The following CYBA variants were observed in gnomAD, a reference collection of about 807,000 sequenced individuals.
CYBA encodes the protein cytochrome b-245 alpha chain.
CYBA carries 21 observed loss-of-function variants against 20.8 expected under a neutral mutation model. That is an observed-to-expected ratio of 1.01 (90% CI 0.72 to 1.46). CYBA has a LOEUF of 1.46. Among genes scored for constraint, CYBA ranks in the 40% most tolerant of loss-of-function variants. The pLI, the probability that CYBA is intolerant of heterozygous loss-of-function variation, is 0.00. For missense variants in CYBA, 344 were observed against 287.0 expected (o/e 1.20, Z -1.43); for synonymous variants, 164 against 127.5 (o/e 1.29, Z -1.93).
rs768595936 is a variant in CYBA at position 88,648,052 on chromosome 16, A to G, written c.121T>C (p.Tyr41His). ...GRFTQWYFGAYSIVAGVFVCL... is the reference protein window; with the variant it reads ...GRFTQWYFGAHSIVAGVFVCL... ...CCTCAGGTGGAAGGATACATGGAGT[A>G]GGCACCAAAGTACCACTGGGTGAAG... Residue 41 changes from tyrosine to histidine, a missense_variant, in exon 2 of 6, where the codon TAC (tyrosine) becomes CAC (histidine). Physicochemically the swap from Tyr to His is moderately conservative, Grantham distance 83 (BLOSUM62 2). Transcript: ENST00000261623. 6.2e-7 allele frequency: 1 copy of G among 1,612,660 alleles called. No individual in the cohort carries two copies. The highest frequency in any genetic ancestry group is 1.1e-5 in the South Asian group (1 of 90,846).
At chr16:88,649,545 G>A (rs1907427829) in intron 1 of CYBA, among the ~76,000 whole-genome samples, 2 of 152,238 alleles carry the variant, frequency 1.3e-5, no homozygotes, top group Admixed American at 1.3e-4. Context: ...AGGCCCTGCT[G>A]TCTCCGGGCC....
intron 4 of CYBA, 137 bp downstream of exon 4, chr16:88,646,618 G>A: frequency 1.3e-6 from 1 of 794,042 alleles, no homozygotes. Flanking sequence ...CAGAGCCAGG[G>A]ACCCGAATTT....
intron 5 of CYBA, 76 bp downstream of exon 5, chr16:88,646,040 C>T: frequency 8.0e-7 from 1 of 1,248,064 alleles, no homozygotes; most frequent in Admixed American, 2.0e-5. Context: ...CTTCAAGGGC[C>T]ATGCGTGTCC....
At chr16:88,647,821 C>T (rs1907344168) in intron 2 of CYBA, 1 of 613,830 alleles carries the variant, frequency 1.6e-6, no homozygotes. Context: ...CCCCTGCCCA[C>T]CACTCACCAG....
At position 88,646,190 on chromosome 16, in the gene CYBA, C is replaced by T. The variant is rs773253590; in HGVS notation, c.295G>A (p.Val99Met). ...VRAVLHLLLS[V>M]PAGFLLATIL... is the part of the protein sequence containing the mutation. ...GTGGCCAGCAGGAAGCCGGCGGGCACCGAGAGCCTGGGGGACAGCGGGTGA... is the reference window on the plus strand; with the variant it reads ...GTGGCCAGCAGGAAGCCGGCGGGCATCGAGAGCCTGGGGGACAGCGGGTGA... Residue 99 changes from valine to methionine, a missense_variant, in exon 5 of 6, where the codon GTG (valine) becomes ATG (methionine). Transcript: ENST00000261623. The T allele has an allele frequency of 6.4e-7, 1 of 1,553,684 alleles. No individual in the cohort carries two copies. Among genetic ancestry groups the T allele is most frequent in the East Asian group, 2.4e-5 (1 of 41,652 alleles).
In CYBA at chr16:88,646,430, C is replaced by T. The variant is rs534224514; in HGVS notation, c.288-233G>A. The T allele has an allele frequency of 1.6e-3, 631 of 382,688 alleles. 9 individuals carry two copies. The highest frequency in any genetic ancestry group is 0.016 in the African/African-American group (586 of 36,178). 23.7% of individuals were successfully genotyped at this position (382,688 alleles called of 1,614,324 possible). A position where few individuals can be genotyped will look rare whatever the true frequency, so the allele number is the denominator to read the frequency against. On this transcript the variant is annotated intron_variant, in intron 4 of 5. Transcript: ENST00000261623. ...AGCAGCCACGTGTGGGTGTCCTGGC[C>T]TCAGCCGGCAGTAACCAGCAGACAC...
At chr16:88,644,590 C>T (rs1269483281) in intron 5 of CYBA, among the ~76,000 whole-genome samples, 3 of 152,170 alleles carry the variant, frequency 2.0e-5, no homozygotes, top group Non-Finnish European at 4.4e-5. Context: ...TTTGGGAGGC[C>T]GAGGCGGGCG....
In CYBA at chr16:88,646,115, C is replaced by G; in HGVS notation, c.369+1G>C. ...GGCCGACCTCAGAGGGCGCCACTCA[C>G]CAGTAGGTAGATGCCGCTCGCAATG... On this transcript the variant is annotated splice_donor_variant, in intron 5 of 5. Transcript: ENST00000261623. LOFTEE classifies it high-confidence loss of function. 2 of 1,551,894 alleles carry G rather than the reference C, an allele frequency of 1.3e-6. No homozygotes were observed. Among genetic ancestry groups the G allele is most frequent in the East Asian group, 2.4e-5 (1 of 41,246 alleles).
rs527888184 is a variant in CYBA at position 88,643,299 on chromosome 16, G to A, written c.*54C>T. Reference sequence around the variant, plus strand: ...CAGAGGCTCACGCGCTCCCGGCTTCGCTGCATTTATTGCAGGTGGGTGCAC... The same window carrying A: ...CAGAGGCTCACGCGCTCCCGGCTTCACTGCATTTATTGCAGGTGGGTGCAC... On this transcript the variant is annotated 3_prime_UTR_variant, in exon 6 of 6. Transcript: ENST00000261623. The surrounding 1 kb of genome is among the most constrained non-coding windows in gnomAD (Gnocchi z 4.3). The A allele has an allele frequency of 2.0e-5, 27 of 1,329,402 alleles. No individual in the cohort carries two copies. Among genetic ancestry groups the A allele is most frequent in the South Asian group, 4.4e-5 (3 of 68,944 alleles). 82.4% of individuals were successfully genotyped at this position (1,329,402 alleles called of 1,614,324 possible). A position where few individuals can be genotyped will look rare whatever the true frequency, so the allele number is the denominator to read the frequency against.
At chr16:88,647,324 T>A (rs1907326813) in intron 2 of CYBA, 149 bp from the exon 3 acceptor site, 1 of 767,854 alleles carries the variant, frequency 1.3e-6, no homozygotes, top group African/African-American at 1.7e-5. Flanking sequence ...GGAGGATCAC[T>A]GGAGCCCAGG....
intron 1 of CYBA, chr16:88,650,183 G>C (rs1344651798): frequency 2.9e-6 from 1 of 345,060 alleles, no homozygotes; most frequent in Non-Finnish European, 5.9e-6. Flanking sequence ...CTCCTCCCCC[G>C]GTGCAGGTCC....
At chr16:88,646,031 T>C (rs930560575) in intron 5 of CYBA, 85 bp downstream of exon 5, 2 of 1,184,612 alleles carry the variant, frequency 1.7e-6, no homozygotes, top group Admixed American at 4.0e-5. Context: ...CAGAGCCGGC[T>C]TCAAGGGCCA....
intron 4 of CYBA, 126 bp from the exon 5 acceptor site, chr16:88,646,323 C>CACGGACCGGG (rs1907279905): frequency 3.0e-6 from 2 of 662,542 alleles, no homozygotes; most frequent in African/African-American, 2.0e-5. Context: ...AGGGGACGTG[C>CACGGACCGGG]GCGGACCGGG....
Position 88,650,996 on chromosome 16 carries a change from C to A in CYBA, c.18G>T (p.Trp6Cys). The change falls in exon 1 of 6, where the codon TGG becomes TGT. Residue 6 changes from tryptophan to cysteine, a missense_variant. Transcript: ENST00000261623. ...GCGCCTGTTCGTTGGCCCACATGGC[C>A]CACTCGATCTGCCCCATGGCGACAC... MGQIE[W>C]AMWANEQALA... The A allele has an allele frequency of 6.3e-7, 1 of 1,598,018 alleles. No individual in the cohort carries two copies. Among genetic ancestry groups the A allele is most frequent in the East Asian group, 2.3e-5 (1 of 43,854 alleles).
At position 88,643,473 on chromosome 16, in the gene CYBA, C is replaced by G. The variant is rs964575579; in HGVS notation, c.468G>C (p.Pro156=). 2 of 1,532,300 alleles carry G rather than the reference C, an allele frequency of 1.3e-6. No individual in the cohort carries two copies. Among genetic ancestry groups the G allele is most frequent in the East Asian group, 2.5e-5 (1 of 40,518 alleles). 94.9% of individuals were successfully genotyped at this position (1,532,300 alleles called of 1,614,324 possible). ...GTIKQPPSNP[P]PRPPAEARKK... is the part of the protein sequence containing the mutation. ...TGCGGGCCTCGGCCGGGGGCCGCGG[C>G]GGGGGGTTGCTGGGCGGCTGCTTGA... is the stretch of plus-strand genomic sequence containing the variant. Residue 156 remains proline, a synonymous_variant, in exon 6 of 6, where the codon CCG becomes CCC. Coordinates refer to ENST00000261623, the MANE Select transcript of CYBA (RefSeq NM_000101.4). The surrounding 1 kb of genome is among the most constrained non-coding windows in gnomAD (Gnocchi z 4.3).
In CYBA at chr16:88,650,981, G is replaced by C; in HGVS notation, c.33C>G (p.Asn11Lys). ...TCAGGCCGGACGCCAGCGCCTGTTC[G>C]TTGGCCCACATGGCCCACTCGATCT... MGQIEWAMWA[N>K]EQALASGLIL... The change falls in exon 1 of 6, where the codon AAC becomes AAG. Residue 11 changes from asparagine to lysine, a missense_variant. Physicochemically the swap from Asn to Lys is moderately conservative, Grantham distance 94. Transcript: ENST00000261623. 6.3e-7 allele frequency: 1 copy of C among 1,596,878 alleles called. No individual in the cohort carries two copies. The highest frequency in any genetic ancestry group is 8.5e-7 in the Non-Finnish European group (1 of 1,173,172).
At chr16:88,648,147 C>A (rs1484661559) in intron 1 of CYBA, 33 bp from the exon 2 acceptor site, 2 of 1,594,216 alleles carry the variant, frequency 1.3e-6, no homozygotes, top group Non-Finnish European at 8.5e-7. Context: ...CACTGTGGGG[C>A]TCCCGTCCCG....
rs61759534 is a variant in CYBA, at chr16:88,647,078, C to A, written c.203+23G>T. The A allele has an allele frequency of 7.9e-3, 12,659 of 1,603,590 alleles. 62 individuals are homozygous for A. The highest frequency in any genetic ancestry group is 8.8e-3 in the Non-Finnish European group (10,310 of 1,175,046). On this transcript the variant is annotated intron_variant, in intron 3 of 5. Transcript: ENST00000261623. ...CTGGGCCCCGCAGCCCCCGGAGAGA[C>A]CCCAGAGCAGGAGGAGACTCACCAG...
Position 88,647,166 on chromosome 16 carries a change from G to A in CYBA, c.138C>T (p.Gly46=), listed in dbSNP as rs778000587. The A allele has an allele frequency of 7.5e-6, 12 of 1,605,258 alleles. No homozygotes were observed. The highest frequency in any genetic ancestry group is 3.4e-5 in the Admixed American group (2 of 59,410). The change falls in exon 3 of 6, where the codon GGC becomes GGT. Residue 46 remains glycine (G), a synonymous_variant. Coordinates refer to ENST00000261623, the MANE Select transcript of CYBA (RefSeq NM_000101.4). ...GGTACTCCAGCAGGCACACAAACAC[G>A]CCCGCCACACTGAAGCCATGTGGTT... ...WYFGAYSIVA[G]VFVCLLEYPR...
Sources: allele counts gnomAD v4.1 joint callset (sites outside exome capture counted in the v4.1 genomes callset), GRCh38; gene constraint gnomAD v4.1.1; non-coding constraint Gnocchi (gnomAD v3.1); transcripts MANE v1.5; gene names NCBI Gene and HGNC (gene_info 2026-07-23, HGNC 2026-07-21).